SCML4: variants seen among roughly 807,000 people sequenced by gnomAD.
The protein encoded by SCML4 is sex comb on midleg-like protein 4.
A neutral mutation model predicts 41.1 loss-of-function variants in SCML4; 34 were observed. That is an observed-to-expected ratio of 0.83 (90% CI 0.63 to 1.10). The LOEUF (loss-of-function observed/expected upper bound fraction) is 1.10. Among genes scored for constraint, SCML4 ranks in the 50% least tolerant of loss-of-function variants. The pLI is 0.00. For missense variants in SCML4, 522 were observed against 534.1 expected (o/e 0.98, Z 0.22); for synonymous variants, 214 against 220.9 (o/e 0.97, Z 0.28).
At chr6:107,731,664 CAA>C (rs1776564823) in intron 5 of SCML4, among the ~76,000 whole-genome samples, 1 of 152,254 alleles carries the variant, frequency 6.6e-6, no homozygotes, top group East Asian at 1.9e-4. Context: ...CCTGCCCAGG[CAA>C]TGGTCAGTGT....
chr6:107,738,398 G>C (rs1341544688), intron 5 of SCML4, among the ~76,000 whole-genome samples: 1 of 151,576 alleles, frequency 6.6e-6, no homozygotes, highest in Non-Finnish European at 1.5e-5. Context: ...GAAGCGGGCA[G>C]ATCACCTGAG....
chr6:107,781,953 T>A (rs1178381569), intron 1 of SCML4, among the ~76,000 whole-genome samples: 1 of 152,194 alleles, frequency 6.6e-6, no homozygotes, highest in Non-Finnish European at 1.5e-5. Flanking sequence ...TGAAAGCCTG[T>A]CAAATCCATT....
chr6:107,708,622 C>T (rs1157492123), intron 6 of SCML4, among the ~76,000 whole-genome samples: 1 of 152,216 alleles, frequency 6.6e-6, no homozygotes, highest in Non-Finnish European at 1.5e-5. Context: ...CCCTCACTCA[C>T]TGCCCCAGGT....
intron 1 of SCML4, among the ~76,000 whole-genome samples, chr6:107,809,016 C>A (rs897891277): frequency 4.0e-5 from 6 of 149,104 alleles, no homozygotes; most frequent in Admixed American, 4.0e-4. Context: ...ATGTAACTCA[C>A]AATGCAACAG....
At chr6:107,767,554 T>C (rs1780162989) in intron 2 of SCML4, among the ~76,000 whole-genome samples, 1 of 152,206 alleles carries the variant, frequency 6.6e-6, no homozygotes, top group Non-Finnish European at 1.5e-5. Context: ...TCCAACGTAC[T>C]GAAGGATTAC....
intron 6 of SCML4, among the ~76,000 whole-genome samples, chr6:107,708,566 G>A (rs1240312895): frequency 6.6e-6 from 1 of 152,164 alleles, no homozygotes; most frequent in East Asian, 1.9e-4. Context: ...GTGTGCCTCA[G>A]CATCTTCAGA....
At chr6:107,813,369 A>ATTAT (rs1253799037) in intron 1 of SCML4, among the ~76,000 whole-genome samples, 19 of 82,784 alleles carry the variant, frequency 2.3e-4, no homozygotes, top group African/African-American at 2.8e-4. Flanking sequence ...TCTCAAAAAA[A>ATTAT]TTATATATAT....
chr6:107,803,324 G>C (rs960948481), intron 1 of SCML4, among the ~76,000 whole-genome samples: 2 of 150,452 alleles, frequency 1.3e-5, no homozygotes, highest in Non-Finnish European at 3.0e-5. Flanking sequence ...CAGCCACTTT[G>C]TCTGGGAAGT....
chr6:107,844,850 C>T, the SCML4 span, among the ~76,000 whole-genome samples: 6 of 151,488 alleles, frequency 4.0e-5, no homozygotes, highest in African/African-American at 1.5e-4. Flanking sequence ...TTGCTTGAGG[C>T]CAGGAGCTGG....
At chr6:107,749,549 G>T in intron 3 of SCML4, 135 bp downstream of exon 3, 1 of 982,856 alleles carries the variant, frequency 1.0e-6, no homozygotes, top group Non-Finnish European at 1.6e-6. Flanking sequence ...CCTGTCTGCT[G>T]CCTAGCTAGC....
intron 1 of SCML4, among the ~76,000 whole-genome samples, chr6:107,798,328 T>G (rs1041235522): frequency 3.9e-5 from 6 of 152,026 alleles, no homozygotes; most frequent in Non-Finnish European, 8.8e-5. Flanking sequence ...GTTTTCTATT[T>G]CATCTTATGT....
intron 2 of SCML4, among the ~76,000 whole-genome samples, chr6:107,770,693 G>A (rs1347996674): frequency 5.9e-5 from 9 of 152,158 alleles, no homozygotes; most frequent in East Asian, 1.9e-4. Flanking sequence ...CTTTTGAGGA[G>A]ACAGGAAAAT....
chr6:107,827,730 C>G (rs1785302885), upstream of SCML4, among the ~76,000 whole-genome samples: 1 of 152,216 alleles, frequency 6.6e-6, no homozygotes, highest in African/African-American at 2.4e-5. Flanking sequence ...GTTCCACTCT[C>G]TCCACACGAG....
At chr6:107,806,475 C>G (rs1489762467) in intron 1 of SCML4, among the ~76,000 whole-genome samples, 2 of 152,202 alleles carry the variant, frequency 1.3e-5, no homozygotes, top group East Asian at 3.9e-4. Context: ...CAACCGGTTT[C>G]TACTTCTCCA....
intron 5 of SCML4, among the ~76,000 whole-genome samples, chr6:107,725,017 T>C (rs1775819553): frequency 1.3e-5 from 2 of 152,292 alleles, no homozygotes; most frequent in South Asian, 4.1e-4. Flanking sequence ...AGGGAGTAGA[T>C]TGGTGGTTAC....
Position 107,803,577 on chromosome 6 carries a change from T to G in SCML4, c.-60+20549A>C, listed in dbSNP as rs9480800. On this transcript the variant is annotated intron_variant, in intron 1 of 7. Transcript: ENST00000369020. ...TCAACAGCTCATTGAGAACGGGCCATGATGACAATGGCGGTTTTGTGGAAT... is the reference window on the plus strand; with the variant it reads ...TCAACAGCTCATTGAGAACGGGCCAGGATGACAATGGCGGTTTTGTGGAAT... Among the ~76,000 whole-genome samples the G allele has an allele frequency of 9.5e-3, 1,391 of 147,052 alleles. 17 individuals carry two copies. The highest frequency in any genetic ancestry group is 0.031 in the African/African-American group (1,196 of 39,084).
intron 1 of SCML4, among the ~76,000 whole-genome samples, chr6:107,784,397 T>C (rs138483331): frequency 3.8e-4 from 58 of 152,290 alleles, no homozygotes; most frequent in Admixed American, 1.2e-3. Context: ...ACTTTTAAGA[T>C]AAATGTGGAA....
intron 6 of SCML4, among the ~76,000 whole-genome samples, chr6:107,713,735 G>A (rs532284892): frequency 6.6e-5 from 10 of 152,250 alleles, no homozygotes; most frequent in Admixed American, 1.3e-4. Flanking sequence ...GGCCCTCTTG[G>A]TTTCTGGCAC....
intron 2 of SCML4, among the ~76,000 whole-genome samples, chr6:107,767,584 T>C (rs1014541570): frequency 6.6e-6 from 1 of 152,218 alleles, no homozygotes; most frequent in East Asian, 1.9e-4. Context: ...CATTTACCCA[T>C]ATTAATTAGA....
Sources: gnomAD v4.1 joint callset for allele counts (sites outside exome capture counted in the v4.1 genomes callset) on GRCh38, gnomAD v4.1.1 for gene constraint, MANE v1.5 for transcripts, NCBI Gene and HGNC (gene_info 2026-07-23, HGNC 2026-07-21) for gene names.